The following FARS2 variants were observed in gnomAD, a reference collection of about 807,000 sequenced individuals.
FARS2 encodes phenylalanine--tRNA ligase, mitochondrial.
A neutral mutation model predicts 46.4 loss-of-function variants in FARS2; 40 were observed. That is an observed-to-expected ratio of 0.86 (90% CI 0.67 to 1.12). The LOEUF (loss-of-function observed/expected upper bound fraction) is 1.12, where lower values mean the gene tolerates loss of function less well. Ranked by LOEUF, FARS2 falls within the 50% of genes most tolerant of loss-of-function variation. The pLI is 0.00. For missense variants in FARS2, 513 were observed against 567.9 expected (o/e 0.90, Z 0.98); for synonymous variants, 234 against 214.9 (o/e 1.09, Z -0.78).
intron 2 of FARS2, among the ~76,000 whole-genome samples, chr6:5,383,729 C>T (rs1759938707): frequency 6.6e-6 from 1 of 150,416 alleles, no homozygotes; most frequent in Non-Finnish European, 1.5e-5. Context: ...AATTATGTAT[C>T]TTGTGGGTTG....
intron 1 of FARS2, among the ~76,000 whole-genome samples, chr6:5,350,282 A>T (rs1212093249): frequency 1.3e-5 from 2 of 150,786 alleles, no homozygotes; most frequent in African/African-American, 4.9e-5. Context: ...TGCTGGGGTT[A>T]TAGGCATGAG....
Position 5,630,743 on chromosome 6 carries a change from A to T in FARS2, c.1217+17423A>T, listed in dbSNP as rs1269238430. Among the ~76,000 whole-genome samples, 1 of 152,254 alleles carries T rather than the reference A, an allele frequency of 6.6e-6. No individual in the cohort carries two copies. The highest frequency in any genetic ancestry group is 2.4e-5 in the African/African-American group (1 of 41,466). On this transcript the variant is annotated intron_variant, in intron 6 of 6. Transcript: ENST00000274680. This position sits in a 1 kb window ranked among gnomAD's most constrained non-coding sequence, Gnocchi z 4.2. ...AATTACACAGACGTGATGATTGGCTATCAGAGTTCCCCAGCACTGGGGTGG... is the reference window on the plus strand; with the variant it reads ...AATTACACAGACGTGATGATTGGCTTTCAGAGTTCCCCAGCACTGGGGTGG...
intron 4 of FARS2, among the ~76,000 whole-genome samples, chr6:5,485,653 T>C (rs1766731214): frequency 6.6e-6 from 1 of 152,222 alleles, no homozygotes; most frequent in African/African-American, 2.4e-5. Context: ...CTTTGTCTTT[T>C]TTTAGATCTT....
At chr6:5,418,185 G>A (rs1389381750) in intron 3 of FARS2, among the ~76,000 whole-genome samples, 1 of 151,896 alleles carries the variant, frequency 6.6e-6, no homozygotes, top group Non-Finnish European at 1.5e-5. Context: ...GTCATTCCTT[G>A]GTGAATTGCT....
chr6:5,750,801 A>T (rs1761903000), intron 6 of FARS2, among the ~76,000 whole-genome samples: 1 of 152,140 alleles, frequency 6.6e-6, no homozygotes. Context: ...GAAAGGCTAG[A>T]ATATTTTAAA....
At chr6:5,373,716 C>T (rs1475100537) in intron 2 of FARS2, among the ~76,000 whole-genome samples, 1 of 152,006 alleles carries the variant, frequency 6.6e-6, no homozygotes, top group Non-Finnish European at 1.5e-5. Flanking sequence ...TATGCAGTAG[C>T]AGTAGGCCCA....
chr6:5,430,322 T>G (rs1763089918), intron 3 of FARS2, among the ~76,000 whole-genome samples: 3 of 152,176 alleles, frequency 2.0e-5, no homozygotes, highest in Non-Finnish European at 4.4e-5. Context: ...TTTGCAGGCT[T>G]TAATTGTTTT....
chr6:5,738,757 C>T (rs780633056), intron 6 of FARS2, among the ~76,000 whole-genome samples: 4 of 137,682 alleles, frequency 2.9e-5, no homozygotes, highest in African/African-American at 1.2e-4. Flanking sequence ...AAAAACTTAA[C>T]ACAGACCATA....
At chr6:5,533,516 G>A (rs908401079) in intron 4 of FARS2, among the ~76,000 whole-genome samples, 2 of 152,192 alleles carry the variant, frequency 1.3e-5, no homozygotes, top group South Asian at 4.1e-4. Flanking sequence ...CACTTGCTAT[G>A]TGCCAGTGTT....
chr6:5,320,366 G>A (rs1769882851), intron 1 of FARS2, among the ~76,000 whole-genome samples: 1 of 152,228 alleles, frequency 6.6e-6, no homozygotes, highest in African/African-American at 2.4e-5. Context: ...AACAGAGTAA[G>A]AGGAGCTGTC....
intron 4 of FARS2, among the ~76,000 whole-genome samples, chr6:5,530,702 CAAT>C (rs1561688720): frequency 6.9e-6 from 1 of 145,448 alleles, no homozygotes; most frequent in African/African-American, 2.5e-5. Context: ...ATAACAATAA[CAAT>C]ATCTATATAG....
At chr6:5,340,462 GT>G (rs1259119317) in intron 1 of FARS2, among the ~76,000 whole-genome samples, 1 of 152,150 alleles carries the variant, frequency 6.6e-6, no homozygotes, top group Non-Finnish European at 1.5e-5. Context: ...GAATACTTTT[GT>G]AAGAATAATC....
At chr6:5,264,865 C>T in intron 1 of FARS2, among the ~76,000 whole-genome samples, 1 of 152,024 alleles carries the variant, frequency 6.6e-6, no homozygotes, top group Non-Finnish European at 1.5e-5. Flanking sequence ...GCTATCATAT[C>T]TCGTTGTAAC....
rs1228868339 is a variant in FARS2, at chr6:5,417,347, G to C, written c.772+12646G>C. ...TCCTTTTACTTCAGCCTCCTGAGGA[G>C]CTGGGACTACAGGTGTGCACCACCA... On this transcript the variant is annotated intron_variant, in intron 3 of 6. Transcript: ENST00000274680. Among the ~76,000 whole-genome samples the C allele has an allele frequency of 2.0e-5, 3 of 152,034 alleles. No individual in the cohort carries two copies. In the East Asian group the frequency reaches 5.8e-4, roughly 29 times the overall value.
intron 6 of FARS2, among the ~76,000 whole-genome samples, chr6:5,757,798 C>T (rs1051122514): frequency 6.6e-6 from 1 of 152,204 alleles, no homozygotes; most frequent in Non-Finnish European, 1.5e-5. Flanking sequence ...CATGTGGGTA[C>T]AAGGGCTCTG....
chr6:5,377,168 A>C (rs531012218), intron 2 of FARS2, among the ~76,000 whole-genome samples: 1 of 152,208 alleles, frequency 6.6e-6, no homozygotes, highest in Admixed American at 6.5e-5. Context: ...TCCTGTGTCT[A>C]TTTAATCTGA....
At chr6:5,279,384 A>G (rs1057332602) in intron 1 of FARS2, among the ~76,000 whole-genome samples, 6 of 138,002 alleles carry the variant, frequency 4.3e-5, no homozygotes, top group African/African-American at 1.6e-4. Context: ...CAAAAAAAAA[A>G]AAAGAAAAAG....
At chr6:5,527,744 A>G (rs964162812) in intron 4 of FARS2, among the ~76,000 whole-genome samples, 1 of 152,242 alleles carries the variant, frequency 6.6e-6, no homozygotes, top group Admixed American at 6.5e-5. Context: ...GCAACTAAAA[A>G]CAAACCACAA....
chr6:5,376,800 C>T (rs949796168), intron 2 of FARS2, among the ~76,000 whole-genome samples: 1 of 152,166 alleles, frequency 6.6e-6, no homozygotes, highest in Admixed American at 6.6e-5. Flanking sequence ...TCTTTCTCAT[C>T]TGTCTTTGTC....
Sources: allele counts gnomAD v4.1 joint callset (sites outside exome capture counted in the v4.1 genomes callset), GRCh38; gene constraint gnomAD v4.1.1; non-coding constraint Gnocchi (gnomAD v3.1); transcripts MANE v1.5; gene names NCBI Gene and HGNC (gene_info 2026-07-23, HGNC 2026-07-21).